The following YBX1 variants were observed in gnomAD, a reference collection of about 807,000 sequenced individuals.
The protein encoded by YBX1 is Y-box binding protein 1.
Under a neutral mutation model 41.4 loss-of-function variants are expected in YBX1, and 3 were observed. The ratio of observed to expected loss-of-function variants is 0.07; its 90% CI spans 0.03 to 0.19. The LOEUF is 0.19. Among genes scored for constraint, YBX1 ranks in the 10% least tolerant of loss-of-function variants. The probability of loss-of-function intolerance (pLI) is 1.00; values close to 1 mark genes in which losing one functional copy is unlikely to be tolerated. For synonymous variants in YBX1, 133 were observed against 165.8 expected (o/e 0.80, Z 1.52); for missense variants, 274 against 462.8 (o/e 0.59, Z 3.74).
At chr1:42,694,336 T>C (rs1650408769) in intron 3 of YBX1, among the ~76,000 whole-genome samples, 1 of 152,224 alleles carries the variant, frequency 6.6e-6, no homozygotes, top group Admixed American at 6.5e-5. Flanking sequence ...AATTTAGATA[T>C]GCTGTAGGCT....
chr1:42,684,648 C>A (rs1204577445), intron 2 of YBX1, among the ~76,000 whole-genome samples: 1 of 152,142 alleles, frequency 6.6e-6, no homozygotes, highest in African/African-American at 2.4e-5. Flanking sequence ...TATTTTGTTT[C>A]TTCCAAAATC....
rs1223273180 is a variant in YBX1 at position 42,682,472 on chromosome 1, G to C, written c.-94G>C. On this transcript the variant is annotated 5_prime_UTR_variant, in exon 1 of 8. Coordinates refer to ENST00000321358, the MANE Select transcript of YBX1 (RefSeq NM_004559.5). ...CGGAGAGCGGACCCCAGAGAGCCCT[G>C]AGCAGCCCCACCGCCGCCGCCGGCC... is the stretch of plus-strand genomic sequence containing the variant. 11 of 1,313,844 alleles carry C rather than the reference G, an allele frequency of 8.4e-6. No individual in the cohort carries two copies. Among genetic ancestry groups the C allele is most frequent in the South Asian group, 1.8e-5 (1 of 55,026 alleles). 81.4% of individuals were successfully genotyped at this position (1,313,844 alleles called of 1,614,324 possible). A position where few individuals can be genotyped will look rare whatever the true frequency, so the allele number is the denominator to read the frequency against.
Position 42,693,407 on chromosome 1 carries a change from A to T in YBX1, c.231-83A>T, listed in dbSNP as rs767226492. 3 of 1,541,292 alleles carry T rather than the reference A, an allele frequency of 1.9e-6. 1 individual carries two copies. The highest frequency in any genetic ancestry group is 2.7e-6 in the Non-Finnish European group (3 of 1,119,336). On this transcript the variant is annotated intron_variant, in intron 2 of 7. Coordinates refer to ENST00000321358, the MANE Select transcript of YBX1 (RefSeq NM_004559.5). ...ATTTCCTGGTACCTAATTGGCAGCC[A>T]GAGAGTCTCTGGGAAAATTAATCTT...
intron 7 of YBX1, among the ~76,000 whole-genome samples, chr1:42,701,635 C>A (rs1650604273): frequency 6.6e-6 from 1 of 151,650 alleles, no homozygotes; most frequent in African/African-American, 2.4e-5. Context: ...ATTTAAACTG[C>A]CTGTAGATTA....
At chr1:42,689,703 G>A (rs1337106252) in intron 2 of YBX1, among the ~76,000 whole-genome samples, 3 of 152,254 alleles carry the variant, frequency 2.0e-5, no homozygotes, top group East Asian at 3.9e-4. Flanking sequence ...CCTAGTTCCT[G>A]TGGCATGGAG....
chr1:42,690,475 C>A (rs1309782253), intron 2 of YBX1, among the ~76,000 whole-genome samples: 1 of 152,110 alleles, frequency 6.6e-6, no homozygotes, highest in African/African-American at 2.4e-5. Context: ...TATATTGTTA[C>A]ATATATACAG....
chr1:42,687,398 C>T (rs1650221634), intron 2 of YBX1, among the ~76,000 whole-genome samples: 1 of 152,120 alleles, frequency 6.6e-6, no homozygotes, highest in African/African-American at 2.4e-5. Context: ...ATTCTCCTGC[C>T]TCAGCCTCCC....
rs969372681 is a variant in YBX1, at chr1:42,682,605, C to T, written c.40C>T (p.Pro14Ser). 15 of 1,443,128 alleles carry T rather than the reference C, an allele frequency of 1.0e-5. No homozygotes were observed. Among genetic ancestry groups the T allele is most frequent in the South Asian group, 1.4e-5 (1 of 73,740 alleles). The allele number at this position is 1,443,128 out of a possible 1,614,324, so 89.4% of individuals were successfully genotyped here. A position where few individuals can be genotyped will look rare whatever the true frequency, so the allele number is the denominator to read the frequency against. The change falls in exon 1 of 8, where the codon CCC (proline) becomes TCC (serine). Residue 14 changes from proline (P) to serine (S), a missense_variant. By Grantham distance (74) the Pro-to-Ser change is moderately conservative. Coordinates refer to ENST00000321358, the MANE Select transcript of YBX1 (RefSeq NM_004559.5). ...CGAGACCCAGCAGCCGCCCGCCGCC[C>T]CCCCCGCCGCCCCCGCCCTCAGCGC... ...EAETQQPPAA[P>S]PAAPALSAAD... is the part of the protein sequence containing the mutation.
intron 2 of YBX1, among the ~76,000 whole-genome samples, chr1:42,691,774 A>G (rs533457884): frequency 4.5e-4 from 68 of 152,346 alleles, no homozygotes; most frequent in African/African-American, 1.5e-3. Flanking sequence ...TTTACTTTCT[A>G]TACCAAATCT....
chr1:42,694,938 G>A (rs1266823133), intron 3 of YBX1, among the ~76,000 whole-genome samples: 2 of 152,132 alleles, frequency 1.3e-5, no homozygotes, highest in Admixed American at 1.3e-4. Flanking sequence ...GGCAGGGGTG[G>A]AGATGTTGAT....
At chr1:42,692,464 C>G (rs1650363898) in intron 2 of YBX1, among the ~76,000 whole-genome samples, 1 of 152,070 alleles carries the variant, frequency 6.6e-6, no homozygotes, top group Non-Finnish European at 1.5e-5. Flanking sequence ...TTTAATTATC[C>G]TGTTCCCATC....
chr1:42,687,584 T>C (rs1167541597), intron 2 of YBX1, among the ~76,000 whole-genome samples: 1 of 151,974 alleles, frequency 6.6e-6, no homozygotes, highest in African/African-American at 2.4e-5. Flanking sequence ...GCCCGGCCTC[T>C]AAAGGGTGAT....
chr1:42,692,209 T>A (rs1650357235), intron 2 of YBX1, among the ~76,000 whole-genome samples: 1 of 152,240 alleles, frequency 6.6e-6, no homozygotes, highest in African/African-American at 2.4e-5. Context: ...GTATTTGCCT[T>A]TCTTACTCTA....
At chr1:42,686,097 A>G (rs1166220470) in intron 2 of YBX1, among the ~76,000 whole-genome samples, 3 of 152,230 alleles carry the variant, frequency 2.0e-5, no homozygotes, top group Admixed American at 6.5e-5. Context: ...GAATTTTGTT[A>G]GTGGTTGAGT....
intron 6 of YBX1, among the ~76,000 whole-genome samples, chr1:42,697,738 T>A (rs954272025): frequency 6.6e-6 from 1 of 152,186 alleles, no homozygotes; most frequent in African/African-American, 2.4e-5. Context: ...ACCAAGAATT[T>A]ACATTCTGCG....
chr1:42,696,173 C>T lies in YBX1; in HGVS notation c.265-26C>T. 1 of 1,570,654 alleles carries T rather than the reference C, an allele frequency of 6.4e-7. No individual in the cohort carries two copies. The highest frequency in any genetic ancestry group is 8.7e-7 in the Non-Finnish European group (1 of 1,151,964). Reference sequence around the variant, plus strand: ...AAGCACATTATTCTCCCCTGTTAATCTATTTTTGGAATGTGATATTACTAG... The same window carrying T: ...AAGCACATTATTCTCCCCTGTTAATTTATTTTTGGAATGTGATATTACTAG... On this transcript the variant is annotated intron_variant, in intron 3 of 7. Coordinates refer to ENST00000321358, the MANE Select transcript of YBX1 (RefSeq NM_004559.5). This position sits in a 1 kb window ranked among gnomAD's most constrained non-coding sequence, Gnocchi z 5.7.
Position 42,696,522 on chromosome 1 carries a change from C to CCGGGGGGG in YBX1, c.355-120_355-119insCGGGGGGG. The CCGGGGGGG allele has an allele frequency of 1.6e-6, 1 of 637,566 alleles. No homozygotes were observed. The highest frequency in any genetic ancestry group is 2.4e-6 in the Non-Finnish European group (1 of 420,682). The allele number at this position is 637,566 out of a possible 1,614,324, so 39.5% of individuals were successfully genotyped here. On this transcript the variant is annotated intron_variant, in intron 4 of 7. Coordinates refer to ENST00000321358, the MANE Select transcript of YBX1 (RefSeq NM_004559.5). This position sits in a 1 kb window ranked among gnomAD's most constrained non-coding sequence, Gnocchi z 5.7. The stretch of plus-strand genomic sequence containing the variant: ...GGTCACGCAGTTGCGCCCCCCCCCC[C>CCGGGGGGG]TTTTTTTTCCTTAACTTTGTTGTTT...
chr1:42,685,545 C>G (rs186663987), intron 2 of YBX1, among the ~76,000 whole-genome samples: 1 of 152,256 alleles, frequency 6.6e-6, no homozygotes, highest in East Asian at 1.9e-4. Flanking sequence ...GCAGTTGGTT[C>G]TATATGTAGT....
In YBX1 at chr1:42,700,793, C is replaced by A; in HGVS notation, c.753C>A (p.Arg251=). 1 of 1,611,198 alleles carries A rather than the reference C, an allele frequency of 6.2e-7. No individual in the cohort carries two copies. ...CCGTTCATTGCAGGGGCCCTCCTCGCCAAAGACAGCCTAGAGAGGACGGCA... is the reference window on the plus strand; with the variant it reads ...CCGTTCATTGCAGGGGCCCTCCTCGACAAAGACAGCCTAGAGAGGACGGCA... ...YRPRFRRGPP[R]QRQPREDGNE... The change falls in exon 7 of 8, where the codon CGC becomes CGA. Residue 251 remains arginine, a synonymous_variant. Transcript: ENST00000321358.
Sources: allele counts gnomAD v4.1 joint callset (sites outside exome capture counted in the v4.1 genomes callset), GRCh38; gene constraint gnomAD v4.1.1; non-coding constraint Gnocchi (gnomAD v3.1); transcripts MANE v1.5; gene names NCBI Gene and HGNC (gene_info 2026-07-23, HGNC 2026-07-21).